RGS5: variants seen among roughly 807,000 people sequenced by gnomAD.
RGS5 encodes the protein regulator of G-protein signalling 5.
A neutral mutation model predicts 18.9 loss-of-function variants in RGS5; 20 were observed. The ratio of observed to expected loss-of-function variants is 1.06; its 90% CI spans 0.74 to 1.54. The LOEUF (loss-of-function observed/expected upper bound fraction) is 1.54. Ranked by LOEUF, RGS5 falls within the 40% of genes most tolerant of loss-of-function variation. RGS5 has a pLI of 0.00. For synonymous variants in RGS5, 57 were observed against 76.2 expected (o/e 0.75, Z 1.31); for missense variants, 201 against 211.8 (o/e 0.95, Z 0.32).
chr1:163,272,947 A>G (rs1474008928), intron 2 of RGS5, among the ~76,000 whole-genome samples: 1 of 152,082 alleles, frequency 6.6e-6, no homozygotes, highest in East Asian at 1.9e-4. Context: ...TTCATTCACA[A>G]TATTTTAAAA....
At chr1:163,296,482 T>C (rs1023000878) in intron 2 of RGS5, among the ~76,000 whole-genome samples, 9 of 152,210 alleles carry the variant, frequency 5.9e-5, no homozygotes, top group Non-Finnish European at 1.0e-4. Context: ...GACTACTTGA[T>C]ATAAACTGCA....
intron 2 of RGS5, among the ~76,000 whole-genome samples, chr1:163,259,684 A>T (rs968799761): frequency 4.6e-5 from 7 of 152,214 alleles, no homozygotes; most frequent in Non-Finnish European, 8.8e-5. Flanking sequence ...GAAGTTTTTC[A>T]TCACTCACTA....
intron 2 of RGS5, among the ~76,000 whole-genome samples, chr1:163,298,016 G>C (rs1649463506): frequency 6.6e-6 from 1 of 152,052 alleles, no homozygotes; most frequent in South Asian, 2.1e-4. Context: ...TGAAAGAAAA[G>C]TACAGCCACT....
At chr1:163,209,204 T>C (rs1346901823) in intron 1 of RGS5, among the ~76,000 whole-genome samples, 2 of 152,202 alleles carry the variant, frequency 1.3e-5, no homozygotes, top group Non-Finnish European at 2.9e-5. Context: ...AAATACAAAT[T>C]GAAATTACAG....
intron 1 of RGS5, among the ~76,000 whole-genome samples, chr1:163,316,484 A>C (rs1650025530): frequency 6.6e-6 from 1 of 152,336 alleles, no homozygotes; most frequent in Non-Finnish European, 1.5e-5. Context: ...TAGAATTTGT[A>C]AACCAATCAA....
At position 163,271,833 on chromosome 1, in the gene RGS5, G is replaced by A. The variant is rs201090259; in HGVS notation, c.-281+34400C>T. Among the ~76,000 whole-genome samples the A allele has an allele frequency of 3.9e-5, 6 of 152,234 alleles. No individual in the cohort carries two copies. The East Asian group carries it at 5.8e-4, about 15-fold the overall frequency. ...GGGAGTAGAATTGCTGGGTCATATG[G>A]TAAATTTATGTTTAATGTTTTTAAG... On this transcript the variant is annotated intron_variant, in intron 2 of 5. Coordinates refer to the RGS5 transcript ENST00000618415.
chr1:163,190,050 T>C (rs1241578003), intron 1 of RGS5, among the ~76,000 whole-genome samples: 1 of 152,210 alleles, frequency 6.6e-6, no homozygotes, highest in Admixed American at 6.5e-5. Context: ...TGTCTCTGAC[T>C]GGGGAGTATT....
intron 1 of RGS5, among the ~76,000 whole-genome samples, chr1:163,309,659 C>A (rs1649801591): frequency 6.6e-6 from 1 of 152,150 alleles, no homozygotes. Flanking sequence ...GTCATGAAGT[C>A]ATTCATAAGG....
chr1:163,208,801 A>C (rs574340559), intron 1 of RGS5, among the ~76,000 whole-genome samples: 3 of 152,286 alleles, frequency 2.0e-5, no homozygotes, highest in East Asian at 3.9e-4. Flanking sequence ...ACAAAGTAAC[A>C]CAGCAACTAC....
intron 4 of RGS5, among the ~76,000 whole-genome samples, chr1:163,149,951 A>T (rs1035028131): frequency 2.6e-5 from 4 of 152,234 alleles, no homozygotes; most frequent in African/African-American, 9.6e-5. Flanking sequence ...AGAACTGAGG[A>T]TTAGAGAGCT....
chr1:163,170,566 T>C (rs1388310779), intron 1 of RGS5, among the ~76,000 whole-genome samples: 1 of 152,114 alleles, frequency 6.6e-6, no homozygotes, highest in Non-Finnish European at 1.5e-5. Flanking sequence ...GTTACGGATA[T>C]TAGGGAAAAA....
intron 1 of RGS5, among the ~76,000 whole-genome samples, chr1:163,316,190 G>A (rs922928326): frequency 1.3e-5 from 2 of 152,006 alleles, no homozygotes; most frequent in African/African-American, 4.8e-5. Context: ...GTGATTAAAG[G>A]GTTTTGCATA....
intron 2 of RGS5, among the ~76,000 whole-genome samples, chr1:163,232,578 G>A (rs900809129): frequency 1.3e-5 from 2 of 152,148 alleles, no homozygotes; most frequent in Non-Finnish European, 2.9e-5. Context: ...AGGTAGAAAT[G>A]AATGTCATTA....
chr1:163,238,767 G>T, intron 2 of RGS5: 1 of 204,490 alleles, frequency 4.9e-6, no homozygotes, highest in African/African-American at 2.3e-5. Context: ...GTTTAGAAGA[G>T]TTTAATAAGG....
At chr1:163,311,657 T>C (rs1649866225) in intron 1 of RGS5, among the ~76,000 whole-genome samples, 1 of 152,204 alleles carries the variant, frequency 6.6e-6, no homozygotes, top group South Asian at 2.1e-4. Context: ...ATGAAGCAGT[T>C]AGAACACACT....
At chr1:163,159,810 A>G (rs532883146) in intron 3 of RGS5, among the ~76,000 whole-genome samples, 1 of 152,174 alleles carries the variant, frequency 6.6e-6, no homozygotes, top group Non-Finnish European at 1.5e-5. Flanking sequence ...CTACATACAC[A>G]TATATACACA....
intron 2 of RGS5, among the ~76,000 whole-genome samples, chr1:163,166,021 G>A (rs1658030861): frequency 6.6e-6 from 1 of 152,116 alleles, no homozygotes; most frequent in Admixed American, 6.6e-5. Context: ...GGTTGAAGCT[G>A]GTTAAGAAGG....
At chr1:163,155,349 T>C (rs765814633) in intron 3 of RGS5, among the ~76,000 whole-genome samples, 1 of 152,236 alleles carries the variant, frequency 6.6e-6, no homozygotes, top group Non-Finnish European at 1.5e-5. Flanking sequence ...ATAACTTTTC[T>C]GTGCAGCAAG....
chr1:163,260,974 G>A (rs1038286996), intron 2 of RGS5, among the ~76,000 whole-genome samples: 1 of 152,200 alleles, frequency 6.6e-6, no homozygotes, highest in Non-Finnish European at 1.5e-5. Context: ...TGGTCTCAAT[G>A]TGTGCATCTA....
Sources: gnomAD v4.1 joint callset for allele counts (sites outside exome capture counted in the v4.1 genomes callset) on GRCh38, gnomAD v4.1.1 for gene constraint, MANE v1.5 for transcripts, NCBI Gene and HGNC (gene_info 2026-07-23, HGNC 2026-07-21) for gene names.